Variants in SLC15A5 observed in about 807,000 individuals in gnomAD.
SLC15A5 encodes solute carrier family 15 member 5.
In SLC15A5, 58 loss-of-function variants were observed where a neutral mutation model predicts 56.1. That is an observed-to-expected ratio of 1.03 (90% CI 0.84 to 1.29). SLC15A5 has a LOEUF of 1.29. Among genes scored for constraint, SLC15A5 ranks in the 50% most tolerant of loss-of-function variants. The pLI, the probability that SLC15A5 is intolerant of heterozygous loss-of-function variation, is 0.00. For missense variants in SLC15A5, 681 were observed against 672.1 expected (o/e 1.01, Z -0.15); for synonymous variants, 264 against 250.5 (o/e 1.05, Z -0.51).
chr12:16,248,968 T>C (rs1009152773), intron 3 of SLC15A5, among the ~76,000 whole-genome samples: 1 of 152,118 alleles, frequency 6.6e-6, no homozygotes, highest in African/African-American at 2.4e-5. Flanking sequence ...AAGATTGTAG[T>C]TATTACTATT....
intron 1 of SLC15A5, 132 bp downstream of exon 1, chr12:16,277,193 T>A: frequency 5.6e-6 from 5 of 887,892 alleles, no homozygotes; most frequent in Non-Finnish European, 8.3e-6. Context: ...ATGAAATACA[T>A]TGAACCCACA....
chr12:16,274,417 A>G (rs1036278100), intron 1 of SLC15A5, among the ~76,000 whole-genome samples: 3 of 152,012 alleles, frequency 2.0e-5, no homozygotes, highest in Admixed American at 6.6e-5. Context: ...CATTAATGTT[A>G]TTTGGTATAA....
At chr12:16,250,441 A>T (rs1250361540) in intron 3 of SLC15A5, among the ~76,000 whole-genome samples, 1 of 152,034 alleles carries the variant, frequency 6.6e-6, no homozygotes, top group African/African-American at 2.4e-5. Context: ...CTTCATTTTT[A>T]AAAATGTAAC....
At chr12:16,225,955 C>T (rs1338151470) in intron 5 of SLC15A5, among the ~76,000 whole-genome samples, 3 of 152,094 alleles carry the variant, frequency 2.0e-5, no homozygotes, top group Non-Finnish European at 4.4e-5. Flanking sequence ...ACATATAGAA[C>T]CTCAGGCCAG....
chr12:16,216,883 C>G lies in SLC15A5; in HGVS notation c.1483+10G>C. ...CAATGTATATAAGCATGCCACGAAC[C>G]TATTTTTACCATCTGAGATGAGATA... On this transcript the variant is annotated intron_variant, in intron 7 of 8. Transcript: ENST00000344941. 1 of 1,533,678 alleles carries G rather than the reference C, an allele frequency of 6.5e-7. No homozygotes were observed. The highest frequency in any genetic ancestry group is 1.4e-5 in the African/African-American group (1 of 72,964).
At chr12:16,244,476 C>T (rs1031070086) in intron 4 of SLC15A5, 104 bp downstream of exon 4, 26 of 1,017,588 alleles carry the variant, frequency 2.6e-5, no homozygotes, top group East Asian at 1.0e-4. Flanking sequence ...TGCCTGCCGA[C>T]ATATATGGAA....
At chr12:16,219,738 T>G (rs2136247534) in intron 6 of SLC15A5, among the ~76,000 whole-genome samples, 1 of 140,760 alleles carries the variant, frequency 7.1e-6, no homozygotes, top group South Asian at 2.6e-4. Flanking sequence ...TTTTGAAACT[T>G]TAGTGATCAT....
At chr12:16,224,357 G>A in intron 6 of SLC15A5, 57 bp downstream of exon 6, 1 of 1,464,018 alleles carries the variant, frequency 6.8e-7, no homozygotes, top group South Asian at 1.3e-5. Context: ...TTGAGGTGAT[G>A]TGTTCTGTGT....
intron 8 of SLC15A5, among the ~76,000 whole-genome samples, chr12:16,191,722 C>G (rs1399945737): frequency 6.6e-6 from 1 of 152,102 alleles, no homozygotes; most frequent in African/African-American, 2.4e-5. Context: ...CATACTGTGT[C>G]TTGCTTAACT....
At chr12:16,263,637 G>A (rs896370385) in intron 2 of SLC15A5, among the ~76,000 whole-genome samples, 1 of 152,164 alleles carries the variant, frequency 6.6e-6, no homozygotes, top group African/African-American at 2.4e-5. Flanking sequence ...TGCCATCACA[G>A]GCCCAGAGTT....
rs543819483 is a variant in SLC15A5 at position 16,267,850 on chromosome 12, C to T, written c.584+4711G>A. The stretch of plus-strand genomic sequence containing the variant: ...GCCTCCTGAGCTCAAGCGATTCTTC[C>T]GCTTCAGCCTCTCAAGTACATGTGA... On this transcript the variant is annotated intron_variant, in intron 2 of 8. Transcript: ENST00000344941. Among the ~76,000 whole-genome samples the T allele has an allele frequency of 6.7e-5, 7 of 103,894 alleles. No homozygotes were observed. In the East Asian group the frequency reaches 1.2e-3, roughly 18 times the overall value. 68.2% of individuals were successfully genotyped at this position (103,894 alleles called of 152,430 possible).
intron 7 of SLC15A5, among the ~76,000 whole-genome samples, chr12:16,210,865 T>C (rs1864073303): frequency 6.6e-6 from 1 of 152,220 alleles, no homozygotes; most frequent in Non-Finnish European, 1.5e-5. Context: ...CATCAGGGGT[T>C]TCTGTGGAGT....
intron 5 of SLC15A5, among the ~76,000 whole-genome samples, chr12:16,232,225 T>TA (rs1260159713): frequency 1.3e-5 from 2 of 152,068 alleles, no homozygotes; most frequent in Admixed American, 6.5e-5. Flanking sequence ...ACTTCTGAAA[T>TA]ACAAAACTCA....
At position 16,244,761 on chromosome 12, in the gene SLC15A5, G is replaced by A. The variant is rs1287465666; in HGVS notation, c.794C>T (p.Ala265Val). ...LLTGVGVLVSALKTCHPQYCH... is the reference protein window; with the variant it reads ...LLTGVGVLVSVLKTCHPQYCH... ...GTATTGCGGGTGGCATGTTTTCAGTGCACTAACCAACACCCCAACGCCTGT... is the reference window on the plus strand; with the variant it reads ...GTATTGCGGGTGGCATGTTTTCAGTACACTAACCAACACCCCAACGCCTGT... The change falls in exon 4 of 9, where the codon GCA becomes GTA. Residue 265 changes from alanine (A) to valine (V), a missense_variant. Physicochemically the swap from Ala to Val is moderately conservative, Grantham distance 64. Transcript: ENST00000344941. The A allele has an allele frequency of 6.5e-7, 1 of 1,537,672 alleles. No individual in the cohort carries two copies. The highest frequency in any genetic ancestry group is 8.7e-7 in the Non-Finnish European group (1 of 1,147,040).
intron 8 of SLC15A5, among the ~76,000 whole-genome samples, chr12:16,191,331 G>T (rs1470084089): frequency 6.6e-6 from 1 of 151,898 alleles, no homozygotes; most frequent in Non-Finnish European, 1.5e-5. Context: ...GGGTGTCTAG[G>T]GTGCTAAAAC....
chr12:16,199,546 A>G (rs573536646), intron 7 of SLC15A5, among the ~76,000 whole-genome samples: 1 of 152,200 alleles, frequency 6.6e-6, no homozygotes, highest in African/African-American at 2.4e-5. Flanking sequence ...ATCCTTCCGT[A>G]TCACTACTCA....
Position 16,240,128 on chromosome 12 carries a change from A to G in SLC15A5, c.976-261T>C, listed in dbSNP as rs1864398890. Among the ~76,000 whole-genome samples the G allele has an allele frequency of 1.3e-5, 2 of 152,208 alleles. 1 individual carries two copies. Among genetic ancestry groups the G allele is most frequent in the South Asian group, 4.1e-4 (2 of 4,828 alleles). ...TAGTCTCTCTTAATTTTTCTATGAA[A>G]AGTAATGATGGCCCCAATTTTGTGC... On this transcript the variant is annotated intron_variant, in intron 4 of 8. Transcript: ENST00000344941.
At chr12:16,266,192 C>A (rs1437117776) in intron 2 of SLC15A5, among the ~76,000 whole-genome samples, 1 of 152,184 alleles carries the variant, frequency 6.6e-6, no homozygotes, top group Non-Finnish European at 1.5e-5. Context: ...ACAGGTTGTC[C>A]TTTCTTGCTG....
chr12:16,243,213 C>CT lies in SLC15A5; in HGVS notation c.975+1366dup, dbSNP rs10572676. Among the ~76,000 whole-genome samples the CT allele has an allele frequency of 7.6e-6, 1 of 131,996 alleles. No homozygotes were observed. Among genetic ancestry groups the CT allele is most frequent in the African/African-American group, 2.7e-5 (1 of 36,844 alleles). The allele number at this position is 131,996 out of a possible 152,430, so 86.6% of individuals were successfully genotyped here. On this transcript the variant is annotated intron_variant, in intron 4 of 8. Transcript: ENST00000344941. This position sits in a 1 kb window ranked among gnomAD's most constrained non-coding sequence, Gnocchi z 4.4. ...TTATATATTTTTCTTTGCTTTTTCT[C>CT]TTTTTTTTTTTTTTGAGATGGAGTT...
Sources: gnomAD v4.1 joint callset for allele counts (sites outside exome capture counted in the v4.1 genomes callset) on GRCh38, gnomAD v4.1.1 for gene constraint, Gnocchi (gnomAD v3.1) non-coding constraint, MANE v1.5 for transcripts, NCBI Gene and HGNC (gene_info 2026-07-23, HGNC 2026-07-21) for gene names.